The following MGMT variants were observed in gnomAD, a reference collection of about 807,000 sequenced individuals.
The protein encoded by MGMT is O-6-methylguanine-DNA methyltransferase, also known as methylated-DNA--protein-cysteine methyltransferase.
MGMT carries 14 observed loss-of-function variants against 15.9 expected under a neutral mutation model. The ratio of observed to expected loss-of-function variants is 0.88; its 90% CI spans 0.58 to 1.37. MGMT has a LOEUF of 1.37. Ranked by LOEUF, MGMT falls within the 40% of genes most tolerant of loss-of-function variation. The pLI is 0.00. For synonymous variants in MGMT, 130 were observed against 118.2 expected, an observed-to-expected ratio of 1.10 and a Z score of -0.65; for missense variants, 282 against 268.1, an observed-to-expected ratio of 1.05 and a Z score of -0.36.
At chr10:129,626,096 G>A (rs516837) in intron 2 of MGMT, among the ~76,000 whole-genome samples, 152,145 of 152,286 alleles carry the variant, frequency 1, 76,003 homozygotes, top group Middle Eastern at 1. Flanking sequence ...CTGGGCCAAC[G>A]GGGCAGCCAC....
chr10:129,653,226 G>A (rs983947217), intron 2 of MGMT, among the ~76,000 whole-genome samples: 5 of 152,174 alleles, frequency 3.3e-5, no homozygotes, highest in African/African-American at 9.7e-5. Context: ...TTCTGTCATC[G>A]AGCCTGCTCT....
intron 2 of MGMT, among the ~76,000 whole-genome samples, chr10:129,611,102 A>G (rs547317994): frequency 1.3e-5 from 2 of 152,348 alleles, no homozygotes; most frequent in East Asian, 1.9e-4. Flanking sequence ...CCTAGGGAGT[A>G]GAGGAGGCCT....
In MGMT at chr10:129,708,243, G is replaced by T. The variant is rs56281555; in HGVS notation, c.274+200G>T. Among the ~76,000 whole-genome samples the T allele has an allele frequency of 5.6e-3, 851 of 152,252 alleles. 11 individuals are homozygous for T. Among genetic ancestry groups the T allele is most frequent in the African/African-American group, 0.02 (831 of 41,538 alleles). ...ACACTTGTGTTAGTTTTGGCACAGG[G>T]TTGCATAATTCTTGGCAAAGGCAAT... On this transcript the variant is annotated intron_variant, in intron 3 of 4. Coordinates refer to ENST00000651593, the MANE Select transcript of MGMT (RefSeq NM_002412.5).
chr10:129,586,261 AT>A (rs1418367481), intron 2 of MGMT, among the ~76,000 whole-genome samples: 2 of 152,176 alleles, frequency 1.3e-5, no homozygotes, highest in Non-Finnish European at 2.9e-5. Context: ...AAATTTGCCT[AT>A]GGATGACCCC....
chr10:129,655,040 G>A (rs183908964), intron 2 of MGMT, among the ~76,000 whole-genome samples: 1 of 152,332 alleles, frequency 6.6e-6, no homozygotes, highest in Non-Finnish European at 1.5e-5. Context: ...GATGGAGAGG[G>A]TGACCGCTGC....
chr10:129,488,181 T>C (rs1010303244), intron 1 of MGMT, among the ~76,000 whole-genome samples: 2 of 152,040 alleles, frequency 1.3e-5, no homozygotes, highest in Non-Finnish European at 2.9e-5. Context: ...ACAATAACTT[T>C]TGTAAAAATG....
intron 3 of MGMT, among the ~76,000 whole-genome samples, chr10:129,755,557 C>T (rs1489277148): frequency 1.3e-5 from 2 of 152,196 alleles, no homozygotes; most frequent in East Asian, 3.9e-4. Context: ...TGCCCCTTCC[C>T]CCCAGGAAGC....
chr10:129,534,049 C>T (rs1845960125), intron 1 of MGMT, among the ~76,000 whole-genome samples: 1 of 152,138 alleles, frequency 6.6e-6, no homozygotes, highest in South Asian at 2.1e-4. Flanking sequence ...GAAGCCTGGT[C>T]TTTGCATACG....
chr10:129,739,339 A>G (rs1227445440), intron 3 of MGMT, among the ~76,000 whole-genome samples: 3 of 152,232 alleles, frequency 2.0e-5, no homozygotes, highest in African/African-American at 7.2e-5. Context: ...AGGGTATTCA[A>G]TTAGGAAAAG....
At chr10:129,600,287 T>C (rs922746373) in intron 2 of MGMT, among the ~76,000 whole-genome samples, 1 of 152,172 alleles carries the variant, frequency 6.6e-6, no homozygotes, top group East Asian at 1.9e-4. Flanking sequence ...GCTCTCACCT[T>C]AGTCCCTACA....
At chr10:129,634,352 C>T (rs1291221139) in intron 2 of MGMT, among the ~76,000 whole-genome samples, 4 of 152,204 alleles carry the variant, frequency 2.6e-5, no homozygotes. Flanking sequence ...CTTGGTTTCA[C>T]TGTCCATCTT....
At chr10:129,737,784 C>T (rs1181143472) in intron 3 of MGMT, among the ~76,000 whole-genome samples, 1 of 152,208 alleles carries the variant, frequency 6.6e-6, no homozygotes. Flanking sequence ...ACAGGACCCT[C>T]AGCTGCAGGT....
At chr10:129,729,653 CT>C (rs1848474056) in intron 3 of MGMT, among the ~76,000 whole-genome samples, 1 of 152,230 alleles carries the variant, frequency 6.6e-6, no homozygotes, top group South Asian at 2.1e-4. Context: ...TGCCAGTTTC[CT>C]TTTGCCCGTC....
intron 2 of MGMT, among the ~76,000 whole-genome samples, chr10:129,640,148 A>G (rs1847312041): frequency 6.8e-6 from 1 of 146,054 alleles, no homozygotes; most frequent in South Asian, 2.2e-4. Context: ...CCCAGCCTGG[A>G]GTTCAGAGGC....
intron 1 of MGMT, among the ~76,000 whole-genome samples, chr10:129,519,790 T>C (rs928519000): frequency 6.6e-6 from 1 of 152,158 alleles, no homozygotes; most frequent in African/African-American, 2.4e-5. Flanking sequence ...CTCATGGGTG[T>C]TGACTGGTGG....
chr10:129,588,392 T>C (rs1846642136), intron 2 of MGMT, among the ~76,000 whole-genome samples: 1 of 152,252 alleles, frequency 6.6e-6, no homozygotes, highest in South Asian at 2.1e-4. Flanking sequence ...TGATTTGTTA[T>C]GCAGCAGTAA....
At chr10:129,518,773 A>G (rs1845772440) in intron 1 of MGMT, among the ~76,000 whole-genome samples, 1 of 151,324 alleles carries the variant, frequency 6.6e-6, no homozygotes, top group African/African-American at 2.4e-5. Flanking sequence ...TATCATTAAG[A>G]CTTCCATTCA....
chr10:129,496,467 A>G (rs921916702), intron 1 of MGMT, among the ~76,000 whole-genome samples: 2 of 152,222 alleles, frequency 1.3e-5, no homozygotes, highest in Admixed American at 6.5e-5. Context: ...AAATTTGTAT[A>G]GTTATCCTAG....
chr10:129,579,833 T>C (rs1846531594), intron 2 of MGMT, among the ~76,000 whole-genome samples: 2 of 152,296 alleles, frequency 1.3e-5, no homozygotes, highest in East Asian at 1.9e-4. Context: ...AGTTGACCTA[T>C]ATGTTTTTGT....
Sources: gnomAD v4.1 joint callset for allele counts (sites outside exome capture counted in the v4.1 genomes callset) on GRCh38, gnomAD v4.1.1 for gene constraint, MANE v1.5 for transcripts, NCBI Gene and HGNC (gene_info 2026-07-23, HGNC 2026-07-21) for gene names.